The following AGPAT4 variants were observed in gnomAD, a reference collection of about 807,000 sequenced individuals.
AGPAT4 encodes the protein 1-acyl-sn-glycerol-3-phosphate acyltransferase delta.
Under a neutral mutation model 48.0 loss-of-function variants are expected in AGPAT4, and 15 were observed. The observed-to-expected ratio is 0.31, with a 90% CI of 0.21 to 0.48. The LOEUF is 0.48. Among genes scored for constraint, AGPAT4 ranks in the 20% least tolerant of loss-of-function variants. AGPAT4 has a pLI of 0.99. For missense variants in AGPAT4, 314 were observed against 482.5 expected, an observed-to-expected ratio of 0.65 and a Z score of 3.27; for synonymous variants, 178 against 198.7, an observed-to-expected ratio of 0.90 and a Z score of 0.88.
At chr6:161,168,304 C>T (rs1164543991) in intron 2 of AGPAT4, among the ~76,000 whole-genome samples, 2 of 152,148 alleles carry the variant, frequency 1.3e-5, no homozygotes, top group African/African-American at 4.8e-5. Flanking sequence ...CACAGATAAG[C>T]ACCAAAGCAC....
At position 161,165,691 on chromosome 6, in the gene AGPAT4, C is replaced by G. The variant is rs953829724; in HGVS notation, c.348+557G>C. ...GAAGAGACCCAGTTCCAAAGGCATG[C>G]AAGCTACGTGCAAGAGGTCAAACTA... is the stretch of plus-strand genomic sequence containing the variant. On this transcript the variant is annotated intron_variant, in intron 3 of 8. Coordinates refer to ENST00000320285, the MANE Select transcript of AGPAT4 (RefSeq NM_020133.3). The surrounding 1 kb of genome is among the most constrained non-coding windows in gnomAD (Gnocchi z 5.5). The G allele has an allele frequency of 8.4e-6, 10 of 1,184,822 alleles. No homozygotes were observed. The highest frequency in any genetic ancestry group is 1.0e-5 in the Non-Finnish European group (9 of 880,240). 73.4% of individuals were successfully genotyped at this position (1,184,822 alleles called of 1,614,324 possible).
rs764037051 is a variant in AGPAT4, at chr6:161,225,252, G to A, written c.178+6784C>T. On this transcript the variant is annotated intron_variant, in intron 2 of 8. Transcript: ENST00000320285. The surrounding 1 kb of genome is among the most constrained non-coding windows in gnomAD (Gnocchi z 5.0). Reference sequence around the variant, plus strand: ...TTTTTCCCGCCAAACCACTCACCCCGTCACTCTCTTTAAATTAGCCAATCA... The same window carrying A: ...TTTTTCCCGCCAAACCACTCACCCCATCACTCTCTTTAAATTAGCCAATCA... Among the ~76,000 whole-genome samples, 46 of 151,988 alleles carry A rather than the reference G, an allele frequency of 3.0e-4. No homozygotes were observed. The highest frequency in any genetic ancestry group is 2.2e-4 in the African/African-American group (9 of 41,362).
rs1479754298 is a variant in AGPAT4, at chr6:161,133,952, G to C, written c.*2588C>G. 6.6e-6 allele frequency: 1 copy of C among 152,176 alleles called. No individual in the cohort carries two copies. The highest frequency in any genetic ancestry group is 1.5e-5 in the Non-Finnish European group (1 of 68,052). 9.4% of individuals were successfully genotyped at this position (152,176 alleles called of 1,614,324 possible). On this transcript the variant is annotated 3_prime_UTR_variant, in exon 9 of 9. Transcript: ENST00000320285. ...AGCAGTTGTTGTGTGCTGAGGAGAT[G>C]GTGACCTCCGTGTGACCTGAACATG...
In AGPAT4 at chr6:161,137,594, G is replaced by A. The variant is rs1226536859; in HGVS notation, c.1043-960C>T. 1.3e-5 allele frequency among the ~76,000 whole-genome samples: 2 copies of A among 152,202 alleles called. No individual in the cohort carries two copies. Among genetic ancestry groups the A allele is most frequent in the Non-Finnish European group, 2.9e-5 (2 of 68,034 alleles). The stretch of plus-strand genomic sequence containing the variant: ...ACAGTGAGAGTGGAGTTATTGTAGA[G>A]CAGAAAGAAGTGAGTAAAACGTGGA... On this transcript the variant is annotated intron_variant, in intron 8 of 8. Coordinates refer to ENST00000320285, the MANE Select transcript of AGPAT4 (RefSeq NM_020133.3). This position sits in a 1 kb window ranked among gnomAD's most constrained non-coding sequence, Gnocchi z 6.1.
Position 161,165,876 on chromosome 6 carries a change from T to C in AGPAT4, c.348+372A>G, listed in dbSNP as rs1780082683. The C allele has an allele frequency of 5.1e-6, 3 of 593,176 alleles. No individual in the cohort carries two copies. In the South Asian group the frequency reaches 5.9e-5, roughly 12 times the overall value. 36.7% of individuals were successfully genotyped at this position (593,176 alleles called of 1,614,324 possible). A position where few individuals can be genotyped will look rare whatever the true frequency, so the allele number is the denominator to read the frequency against. On this transcript the variant is annotated intron_variant, in intron 3 of 8. Coordinates refer to ENST00000320285, the MANE Select transcript of AGPAT4 (RefSeq NM_020133.3). This position sits in a 1 kb window ranked among gnomAD's most constrained non-coding sequence, Gnocchi z 5.5. ...CAGTAGAGCATGGAATTAAGAAATA[T>C]GGATGGGAGTGAAATCCAAATCTAA... is the stretch of plus-strand genomic sequence containing the variant.
rs115346204 is a variant in AGPAT4 at position 161,147,520 on chromosome 6, C to T, written c.768-921G>A. On this transcript the variant is annotated intron_variant, in intron 6 of 8. Transcript: ENST00000320285. This position sits in a 1 kb window ranked among gnomAD's most constrained non-coding sequence, Gnocchi z 4.8. ...AAGATTTGAGAGTTTATCTATCACA[C>T]TAGAGTCTGTTAAGAGATAAAGGAT... Among the ~76,000 whole-genome samples, 1,556 of 152,258 alleles carry T rather than the reference C, an allele frequency of 0.01. 9 individuals carry two copies. The highest frequency in any genetic ancestry group is 0.018 in the African/African-American group (755 of 41,538).
In AGPAT4 at chr6:161,140,788, A is replaced by G. The variant is rs969573064; in HGVS notation, c.844-1168T>C. Among the ~76,000 whole-genome samples the G allele has an allele frequency of 2.0e-5, 3 of 152,208 alleles. No individual in the cohort carries two copies. The highest frequency in any genetic ancestry group is 2.9e-5 in the Non-Finnish European group (2 of 68,026). On this transcript the variant is annotated intron_variant, in intron 7 of 8. Transcript: ENST00000320285. The surrounding 1 kb of genome is among the most constrained non-coding windows in gnomAD (Gnocchi z 6.5). ...GGGAGCAGAGCTGAACCAGGCAGCC[A>G]CAGGGAATTGCCCAGGTTGTATGGT...
Position 161,240,527 on chromosome 6 carries a change from TAAAAG to T in AGPAT4, c.-89-8230_-89-8226del, listed in dbSNP as rs1301973959. 1.3e-5 allele frequency among the ~76,000 whole-genome samples: 2 copies of T among 152,076 alleles called. No homozygotes were observed. The highest frequency in any genetic ancestry group is 3.9e-4 in the East Asian group (2 of 5,162). ...AAGTGGCCCAGGTTAACCAGACAAA[TAAAAG>T]AAAATAAAAACTTCAGGGACTGGCA... On this transcript the variant is annotated intron_variant, in intron 1 of 8. Coordinates refer to ENST00000320285, the MANE Select transcript of AGPAT4 (RefSeq NM_020133.3). This position sits in a 1 kb window ranked among gnomAD's most constrained non-coding sequence, Gnocchi z 5.5.
rs1370365053 is a variant in AGPAT4 at position 161,159,642 on chromosome 6, A to C, written c.349-5332T>G. Among the ~76,000 whole-genome samples, 2 of 151,696 alleles carry C rather than the reference A, an allele frequency of 1.3e-5. No individual in the cohort carries two copies. Among genetic ancestry groups the C allele is most frequent in the African/African-American group, 4.8e-5 (2 of 41,272 alleles). ...GTGTGTGTTCATCAAAAGGTGAGAG[A>C]CTCCATTCTCTTTTTTTTGAGACGA... On this transcript the variant is annotated intron_variant, in intron 3 of 8. Transcript: ENST00000320285. The surrounding 1 kb of genome is among the most constrained non-coding windows in gnomAD (Gnocchi z 4.1).
Position 161,137,814 on chromosome 6 carries a change from C to G in AGPAT4, c.1043-1180G>C, listed in dbSNP as rs1352441257. Among the ~76,000 whole-genome samples, 1 of 152,016 alleles carries G rather than the reference C, an allele frequency of 6.6e-6. No individual in the cohort carries two copies. The highest frequency in any genetic ancestry group is 2.4e-5 in the African/African-American group (1 of 41,370). ...TCCACACTGCACCCCTCAGATGCTC[C>G]TGAAGACTCCCTGTGTCCACACTGC... On this transcript the variant is annotated intron_variant, in intron 8 of 8. Coordinates refer to ENST00000320285, the MANE Select transcript of AGPAT4 (RefSeq NM_020133.3). The surrounding 1 kb of genome is among the most constrained non-coding windows in gnomAD (Gnocchi z 6.1).
rs1206392545 is a variant in AGPAT4, at chr6:161,149,910, T to C, written c.665-621A>G. Among the ~76,000 whole-genome samples, 1 of 152,230 alleles carries C rather than the reference T, an allele frequency of 6.6e-6. No homozygotes were observed. The highest frequency in any genetic ancestry group is 2.1e-4 in the South Asian group (1 of 4,832). On this transcript the variant is annotated intron_variant, in intron 5 of 8. Transcript: ENST00000320285. This position sits in a 1 kb window ranked among gnomAD's most constrained non-coding sequence, Gnocchi z 6.5. ...ACTACGACGATGATTTGTAACTTTC[T>C]AATGTGCCCAGCCTATCATTTCAGT... is the stretch of plus-strand genomic sequence containing the variant.
In AGPAT4 at chr6:161,141,239, C is replaced by T. The variant is rs983887491; in HGVS notation, c.844-1619G>A. Among the ~76,000 whole-genome samples, 2 of 152,026 alleles carry T rather than the reference C, an allele frequency of 1.3e-5. No individual in the cohort carries two copies. The highest frequency in any genetic ancestry group is 2.4e-5 in the African/African-American group (1 of 41,380). The stretch of plus-strand genomic sequence containing the variant: ...CTGCAGCCCATTAACAAGCCTGGTC[C>T]GAAGCGTCACTTGTCGCGTGACTCT... On this transcript the variant is annotated intron_variant, in intron 7 of 8. Coordinates refer to ENST00000320285, the MANE Select transcript of AGPAT4 (RefSeq NM_020133.3). The surrounding 1 kb of genome is among the most constrained non-coding windows in gnomAD (Gnocchi z 6.7).
chr6:161,205,324 G>C (rs1015906448), intron 2 of AGPAT4, among the ~76,000 whole-genome samples: 1 of 152,114 alleles, frequency 6.6e-6, no homozygotes, highest in South Asian at 2.1e-4. Context: ...CCAACCCAAA[G>C]AGGACACAGG....
intron 1 of AGPAT4, among the ~76,000 whole-genome samples, chr6:161,271,950 G>A (rs561732327): frequency 6.6e-6 from 1 of 152,304 alleles, no homozygotes; most frequent in Admixed American, 6.5e-5. Flanking sequence ...AACATCAGAT[G>A]CTCACAATCC....
rs1210781610 is a variant in AGPAT4 at position 161,159,034 on chromosome 6, G to A, written c.349-4724C>T. On this transcript the variant is annotated intron_variant, in intron 3 of 8. Transcript: ENST00000320285. The surrounding 1 kb of genome is among the most constrained non-coding windows in gnomAD (Gnocchi z 4.1). The stretch of plus-strand genomic sequence containing the variant: ...AAATATATAAAATGAGGTATCTTAA[G>A]TGGAACTTCAAAAACAGGTGAGATG... 6.6e-6 allele frequency among the ~76,000 whole-genome samples: 1 copy of A among 152,218 alleles called. No homozygotes were observed. The highest frequency in any genetic ancestry group is 1.5e-5 in the Non-Finnish European group (1 of 68,040).
At position 161,139,048 on chromosome 6, in the gene AGPAT4, C is replaced by G. The variant is rs1779166512; in HGVS notation, c.1042+374G>C. On this transcript the variant is annotated intron_variant, in intron 8 of 8. Coordinates refer to ENST00000320285, the MANE Select transcript of AGPAT4 (RefSeq NM_020133.3). This position sits in a 1 kb window ranked among gnomAD's most constrained non-coding sequence, Gnocchi z 9.1. ...CAGGGAGCTGCCCATCCGTCCCCGC[C>G]AGGCTCCAGCACAGGGCTTTCTTCA... Among the ~76,000 whole-genome samples the G allele has an allele frequency of 6.6e-6, 1 of 152,236 alleles. No homozygotes were observed. Among genetic ancestry groups the G allele is most frequent in the South Asian group, 2.1e-4 (1 of 4,834 alleles).
chr6:161,213,756 C>G (rs924092410), intron 2 of AGPAT4, among the ~76,000 whole-genome samples: 1 of 152,166 alleles, frequency 6.6e-6, no homozygotes, highest in Non-Finnish European at 1.5e-5. Context: ...CTTCCTTCCT[C>G]TATTTTCTCT....
chr6:161,153,085 A>T (rs1583284430), intron 5 of AGPAT4, among the ~76,000 whole-genome samples: 1 of 152,190 alleles, frequency 6.6e-6, no homozygotes, highest in African/African-American at 2.4e-5. Flanking sequence ...GGCACCCAGC[A>T]CATTTGCACA....
At chr6:161,199,326 G>A (rs1781157688) in intron 2 of AGPAT4, among the ~76,000 whole-genome samples, 1 of 152,136 alleles carries the variant, frequency 6.6e-6, no homozygotes, top group African/African-American at 2.4e-5. Context: ...CCAACTTCAA[G>A]GGCTCAAACC....
Sources: allele counts gnomAD v4.1 joint callset (sites outside exome capture counted in the v4.1 genomes callset), GRCh38; gene constraint gnomAD v4.1.1; non-coding constraint Gnocchi (gnomAD v3.1); transcripts MANE v1.5; gene names NCBI Gene and HGNC (gene_info 2026-07-23, HGNC 2026-07-21).